The following CNTN6 variants were observed in gnomAD, a reference collection of about 807,000 sequenced individuals.
CNTN6 encodes the protein contactin-6.
In CNTN6, 137 loss-of-function variants were observed where a neutral mutation model predicts 122.8. The ratio of observed to expected loss-of-function variants is 1.12; its 90% CI spans 0.97 to 1.29. The LOEUF (loss-of-function observed/expected upper bound fraction) is 1.29. Among genes scored for constraint, CNTN6 ranks in the 50% most tolerant of loss-of-function variants. The pLI is 0.00. For missense variants in CNTN6, 1,634 were observed against 1,223.4 expected (o/e 1.34, Z -5.01); for synonymous variants, 570 against 426.0 (o/e 1.34, Z -4.16).
At chr3:1,298,193 A>C in intron 7 of CNTN6, 1 of 506,800 alleles carries the variant, frequency 2.0e-6, no homozygotes, top group East Asian at 3.3e-5. Context: ...GAAAATGATC[A>C]GGGCTGCAAT....
In CNTN6 at chr3:1,385,713, A is replaced by G. The variant is rs149631038; in HGVS notation, c.2620A>G (p.Ile874Val). 1.9e-4 allele frequency: 303 copies of G among 1,614,022 alleles called. 1 individual carries two copies. The highest frequency in any genetic ancestry group is 2.2e-4 in the Non-Finnish European group (254 of 1,179,976). Residue 874 changes from isoleucine to valine, a missense_variant, in exon 20 of 23, where the codon ATC becomes GTC. Ile to Val is a conservative substitution (Grantham distance 29, BLOSUM62 3). Coordinates refer to ENST00000446702, the MANE Select transcript of CNTN6 (RefSeq NM_001289080.2). Reference sequence around the variant, plus strand: ...CATCACGGGGCTGAAAGCTAATACCATCTACTTTGCTTCCGTAAGAGCTTA... The same window carrying G: ...CATCACGGGGCTGAAAGCTAATACCGTCTACTTTGCTTCCGTAAGAGCTTA... ...KNITGLKANT[I>V]YFASVRAYNT...
chr3:1,099,731 C>T (rs1476241556), intron 1 of CNTN6, among the ~76,000 whole-genome samples: 4 of 152,042 alleles, frequency 2.6e-5, no homozygotes, highest in African/African-American at 7.2e-5. Context: ...TTAATTCATC[C>T]GCACCTACTA....
At chr3:1,379,404 G>C (rs1204349422) in intron 17 of CNTN6, among the ~76,000 whole-genome samples, 1 of 151,974 alleles carries the variant, frequency 6.6e-6, no homozygotes, top group Non-Finnish European at 1.5e-5. Flanking sequence ...AACAATAGAC[G>C]CTAGCGTCTG....
intron 4 of CNTN6, among the ~76,000 whole-genome samples, chr3:1,261,240 G>A (rs2094841353): frequency 6.6e-6 from 1 of 152,170 alleles, no homozygotes; most frequent in African/African-American, 2.4e-5. Flanking sequence ...CAGATCTCAT[G>A]GCGAAGACAT....
intron 1 of CNTN6, among the ~76,000 whole-genome samples, chr3:1,116,638 G>A (rs1291766258): frequency 1.3e-5 from 2 of 150,614 alleles, no homozygotes; most frequent in African/African-American, 2.4e-5. Flanking sequence ...AGAGATACAA[G>A]AGGGTCGTAT....
At position 1,277,101 on chromosome 3, in the gene CNTN6, C is replaced by A. The variant is rs1692509201; in HGVS notation, c.359-1312C>A. Among the ~76,000 whole-genome samples, 3 of 152,094 alleles carry A rather than the reference C, an allele frequency of 2.0e-5. No individual in the cohort carries two copies. The South Asian group carries it at 6.2e-4, about 32-fold the overall frequency. On this transcript the variant is annotated intron_variant, in intron 4 of 22. Transcript: ENST00000446702. ...CTGGGAAATGTGATCTCTGGTTAGA[C>A]AAGCATGTTTGATAACAAGTCTATT...
chr3:1,295,746 C>G lies in CNTN6; in HGVS notation c.600C>G (p.Asn200Lys). The stretch of plus-strand genomic sequence containing the variant: ...GCAACTACACTTGCTTTATAACTAA[C>G]AAAGAGGCCCAGAGAAGTGTTCAAG... ...DVGNYTCFITNKEAQRSVQGP... is the reference protein window; with the variant it reads ...DVGNYTCFITKKEAQRSVQGP... The change falls in exon 6 of 23, where the codon AAC (asparagine) becomes AAG (lysine). Residue 200 changes from asparagine to lysine, a missense_variant. Asn to Lys is a moderately conservative substitution (Grantham distance 94). Coordinates refer to ENST00000446702, the MANE Select transcript of CNTN6 (RefSeq NM_001289080.2). 1.2e-6 allele frequency: 2 copies of G among 1,614,042 alleles called. No homozygotes were observed. The highest frequency in any genetic ancestry group is 1.7e-6 in the Non-Finnish European group (2 of 1,179,924).
intron 12 of CNTN6, among the ~76,000 whole-genome samples, chr3:1,371,588 A>G (rs1256283745): frequency 6.6e-6 from 1 of 152,112 alleles, no homozygotes; most frequent in Admixed American, 6.6e-5. Flanking sequence ...AGGACTCTCA[A>G]GTACAACTGG....
At chr3:1,219,870 C>G (rs900008498) in intron 2 of CNTN6, among the ~76,000 whole-genome samples, 9 of 151,998 alleles carry the variant, frequency 5.9e-5, no homozygotes, top group Non-Finnish European at 1.3e-4. Flanking sequence ...AAAAATTAAC[C>G]TGGCATGGTG....
chr3:1,365,375 G>T (rs981977491), intron 12 of CNTN6, among the ~76,000 whole-genome samples: 2 of 151,848 alleles, frequency 1.3e-5, no homozygotes, highest in South Asian at 2.1e-4. Flanking sequence ...AAATTATTTA[G>T]AATTCAAATT....
chr3:1,385,746 G>A lies in CNTN6; in HGVS notation c.2653G>A (p.Ala885Thr). The change falls in exon 20 of 23, where the codon GCT (alanine) becomes ACT (threonine). Residue 885 changes from alanine to threonine, a missense_variant. Transcript: ENST00000446702. ...YFASVRAYNTAGTGPSSPPVN... is the reference protein window; with the variant it reads ...YFASVRAYNTTGTGPSSPPVN... Reference sequence around the variant, plus strand: ...TGCTTCCGTAAGAGCTTACAACACTGCTGGGACAGGGCCCTCAAGCCCCCC... The same window carrying A: ...TGCTTCCGTAAGAGCTTACAACACTACTGGGACAGGGCCCTCAAGCCCCCC... The A allele has an allele frequency of 6.2e-7, 1 of 1,614,006 alleles. No individual in the cohort carries two copies. Among genetic ancestry groups the A allele is most frequent in the East Asian group, 2.2e-5 (1 of 44,874 alleles).
At chr3:1,225,167 G>T (rs1423155641) in intron 3 of CNTN6, among the ~76,000 whole-genome samples, 1 of 152,174 alleles carries the variant, frequency 6.6e-6, no homozygotes, top group Admixed American at 6.5e-5. Flanking sequence ...TATTAATTCA[G>T]ATGCTAAAAG....
At chr3:1,378,682 C>G (rs565786708) in intron 17 of CNTN6, among the ~76,000 whole-genome samples, 1 of 152,090 alleles carries the variant, frequency 6.6e-6, no homozygotes, top group Non-Finnish European at 1.5e-5. Context: ...TCAGTCCCCA[C>G]AATAATGCTA....
intron 10 of CNTN6, among the ~76,000 whole-genome samples, chr3:1,328,650 C>G (rs968847623): frequency 3.3e-5 from 5 of 151,700 alleles, no homozygotes; most frequent in African/African-American, 9.7e-5. Context: ...TTGAACATAA[C>G]CTACATTGAG....
chr3:1,355,025 G>A (rs1442917018), intron 12 of CNTN6, among the ~76,000 whole-genome samples: 2 of 151,394 alleles, frequency 1.3e-5, no homozygotes, highest in Non-Finnish European at 3.0e-5. Flanking sequence ...TATACAAAAA[G>A]GGTACATGAT....
intron 20 of CNTN6, 72 bp downstream of exon 20, chr3:1,385,869 T>C: frequency 7.3e-7 from 1 of 1,366,764 alleles, no homozygotes; most frequent in South Asian, 1.5e-5. Flanking sequence ...TTGATGTTCA[T>C]TTCATTCCCA....
intron 2 of CNTN6, among the ~76,000 whole-genome samples, chr3:1,209,261 A>G (rs190679277): frequency 1.3e-5 from 2 of 152,330 alleles, no homozygotes; most frequent in African/African-American, 4.8e-5. Context: ...GTATACCATT[A>G]GTTCATTCTG....
chr3:1,209,348 A>G (rs2094000639), intron 2 of CNTN6, among the ~76,000 whole-genome samples: 1 of 152,160 alleles, frequency 6.6e-6, no homozygotes, highest in South Asian at 2.1e-4. Context: ...GTCTTCTCAA[A>G]TGTCTACTGC....
At chr3:1,113,370 TC>T (rs1438597290) in intron 1 of CNTN6, among the ~76,000 whole-genome samples, 3 of 152,202 alleles carry the variant, frequency 2.0e-5, no homozygotes, top group Non-Finnish European at 4.4e-5. Context: ...TGTATATTTT[TC>T]CAGAATCATG....
Sources: gnomAD v4.1 joint callset for allele counts (sites outside exome capture counted in the v4.1 genomes callset) on GRCh38, gnomAD v4.1.1 for gene constraint, MANE v1.5 for transcripts, NCBI Gene and HGNC (gene_info 2026-07-23, HGNC 2026-07-21) for gene names.